Variants in ASB3 observed in about 807,000 individuals in gnomAD.
ASB3 encodes the protein ankyrin repeat and SOCS box protein 3.
In ASB3, 41 loss-of-function variants were observed where a neutral mutation model predicts 54.5. That is an observed-to-expected ratio of 0.75 (90% CI 0.59 to 0.98). The LOEUF (loss-of-function observed/expected upper bound fraction) is 0.98, where lower values mean the gene tolerates loss of function less well. ASB3 is among the 50% of genes least tolerant of loss of function. ASB3 has a pLI of 0.00. For missense variants in ASB3, 733 were observed against 620.0 expected, an observed-to-expected ratio of 1.18 and a Z score of -1.94; for synonymous variants, 266 against 221.2, an observed-to-expected ratio of 1.20 and a Z score of -1.80.
intron 7 of ASB3, 92 bp downstream of exon 7, chr2:53,714,292 T>TA (rs767020135): frequency 5.7e-5 from 84 of 1,468,444 alleles, no homozygotes; most frequent in Non-Finnish European, 7.6e-5. Context: ...CTAACAGAGA[T>TA]ACTAAGTTTC....
intron 5 of ASB3, among the ~76,000 whole-genome samples, chr2:53,721,449 T>G (rs1305486179): frequency 6.8e-6 from 1 of 147,350 alleles, no homozygotes; most frequent in Non-Finnish European, 1.5e-5. Flanking sequence ...TGTGTGCCTA[T>G]AGTCCCAGCT....
Position 53,714,431 on chromosome 2 carries a change from G to T in ASB3, c.933C>A (p.Cys311Ter). ...RNGYSPDAQA[C>*]LVFGFSSPVC... Reference sequence around the variant, plus strand: ...CAGGAGAACTGAATCCAAAAACAAGGCACGCCTGGGCGTCTGGGCTGTAGC... The same window carrying T: ...CAGGAGAACTGAATCCAAAAACAAGTCACGCCTGGGCGTCTGGGCTGTAGC... The change falls in exon 7 of 10, where the codon TGC becomes TGA. Residue 311 changes from cysteine (C) to a stop codon, truncating the protein, a stop_gained. Transcript: ENST00000263634. LOFTEE classifies it high-confidence loss of function. 1 of 1,614,018 alleles carries T rather than the reference G, an allele frequency of 6.2e-7. No individual in the cohort carries two copies. Among genetic ancestry groups the T allele is most frequent in the East Asian group, 2.2e-5 (1 of 44,890 alleles).
intron 7 of ASB3, among the ~76,000 whole-genome samples, chr2:53,707,211 G>A (rs982802693): frequency 2.0e-5 from 3 of 152,146 alleles, no homozygotes; most frequent in Admixed American, 6.5e-5. Flanking sequence ...AATTTATAAC[G>A]CTACTTAATT....
chr2:53,785,679 C>T (rs1168540263), intron 1 of ASB3, among the ~76,000 whole-genome samples: 1 of 152,008 alleles, frequency 6.6e-6, no homozygotes, highest in Non-Finnish European at 1.5e-5. Context: ...CCTGCCTCTA[C>T]TAAAAATACA....
chr2:53,697,968 C>A (rs1669278139), intron 8 of ASB3, among the ~76,000 whole-genome samples: 1 of 152,222 alleles, frequency 6.6e-6, no homozygotes, highest in Non-Finnish European at 1.5e-5. Flanking sequence ...GGCAGCCCTG[C>A]TCCCATGGGT....
At chr2:53,694,851 G>A (rs1315592243) in intron 8 of ASB3, among the ~76,000 whole-genome samples, 1 of 152,126 alleles carries the variant, frequency 6.6e-6, no homozygotes, top group Non-Finnish European at 1.5e-5. Flanking sequence ...AGATAACATA[G>A]TAAACATACT....
At chr2:53,735,866 A>C (rs939176226) in intron 3 of ASB3, among the ~76,000 whole-genome samples, 2 of 152,134 alleles carry the variant, frequency 1.3e-5, no homozygotes, top group Non-Finnish European at 2.9e-5. Flanking sequence ...TTTATGACAA[A>C]GGTGACAATG....
At chr2:53,707,646 CAA>C (rs760618822) in intron 7 of ASB3, among the ~76,000 whole-genome samples, 13 of 114,312 alleles carry the variant, frequency 1.1e-4, no homozygotes, top group Non-Finnish European at 1.3e-4. Flanking sequence ...GACTCCGTCT[CAA>C]AAAAAAAAAA....
intron 2 of ASB3, 91 bp downstream of exon 2, chr2:53,765,286 A>C: frequency 6.6e-7 from 1 of 1,522,730 alleles, no homozygotes; most frequent in South Asian, 1.2e-5. Flanking sequence ...AGGGAAACAA[A>C]TACTACTGTT....
rs1306404480 is a variant in ASB3 at position 53,771,253 on chromosome 2, G to A, written c.-13-5668C>T. Among the ~76,000 whole-genome samples the A allele has an allele frequency of 2.6e-5, 4 of 152,006 alleles. No homozygotes were observed. In the East Asian group the frequency reaches 5.8e-4, roughly 22 times the overall value. On this transcript the variant is annotated intron_variant, in intron 1 of 9. Coordinates refer to ENST00000263634, the MANE Select transcript of ASB3 (RefSeq NM_016115.5). ...CTATAGGCCGGGTGCGGTGGCTCAC[G>A]CCTGTAATCCCAGCACTTTGGGAGG... is the stretch of plus-strand genomic sequence containing the variant.
intron 5 of ASB3, 144 bp from the exon 6 acceptor site, chr2:53,716,887 C>T: frequency 1.0e-6 from 1 of 970,104 alleles, no homozygotes; most frequent in Non-Finnish European, 1.4e-6. Flanking sequence ...GTTATATAAA[C>T]ATATTTACTT....
intron 3 of ASB3, among the ~76,000 whole-genome samples, chr2:53,742,844 G>A (rs1157424443): frequency 6.6e-5 from 10 of 151,890 alleles, no homozygotes; most frequent in Admixed American, 1.3e-4. Flanking sequence ...GCTGGCCCAA[G>A]AACACCACCA....
chr2:53,697,340 A>T (rs575161950), intron 8 of ASB3, among the ~76,000 whole-genome samples: 135 of 152,340 alleles, frequency 8.9e-4, no homozygotes, highest in African/African-American at 3.0e-3. Context: ...TGTAATCAAG[A>T]AGTAACAATA....
intron 1 of ASB3, among the ~76,000 whole-genome samples, chr2:53,773,296 T>C (rs887938884): frequency 1.5e-4 from 23 of 152,188 alleles, no homozygotes; most frequent in Non-Finnish European, 3.1e-4. Flanking sequence ...AAAAAAATTT[T>C]TTTAAGATAA....
intron 1 of ASB3, chr2:53,768,063 C>T (rs1329085555): frequency 6.2e-7 from 1 of 1,605,030 alleles, no homozygotes; most frequent in Non-Finnish European, 8.5e-7. Flanking sequence ...GCCCCCTGAC[C>T]CCTGCTCCCC....
intron 6 of ASB3, among the ~76,000 whole-genome samples, chr2:53,716,336 CCT>C (rs898240965): frequency 5.3e-5 from 8 of 151,886 alleles, no homozygotes; most frequent in African/African-American, 1.9e-4. Flanking sequence ...CGAGAAAGTC[CCT>C]GAGCCTACCC....
intron 7 of ASB3, among the ~76,000 whole-genome samples, chr2:53,711,759 G>A (rs963779285): frequency 1.3e-5 from 2 of 151,954 alleles, no homozygotes; most frequent in Non-Finnish European, 2.9e-5. Context: ...GGGCAACACA[G>A]CGAGACAGTC....
intron 5 of ASB3, among the ~76,000 whole-genome samples, chr2:53,720,896 A>C (rs1305834424): frequency 3.3e-5 from 5 of 152,134 alleles, no homozygotes; most frequent in Admixed American, 2.0e-4. Flanking sequence ...TGGGCAGATC[A>C]CTTGAAGGTC....
At position 53,676,456 on chromosome 2, in the gene ASB3, G is replaced by A. The variant is rs556648982; in HGVS notation, c.1370-5766C>T. Among the ~76,000 whole-genome samples, 40 of 152,298 alleles carry A rather than the reference G, an allele frequency of 2.6e-4. 1 individual carries two copies. Among genetic ancestry groups the A allele is most frequent in the African/African-American group, 7.7e-4 (32 of 41,568 alleles). ...TGTTGCCAATACAGGCATACACTGCGTAAGGATATTTTAGTAAACGACGGA... is the reference window on the plus strand; with the variant it reads ...TGTTGCCAATACAGGCATACACTGCATAAGGATATTTTAGTAAACGACGGA... On this transcript the variant is annotated intron_variant, in intron 9 of 9. Transcript: ENST00000263634.
Sources: gnomAD v4.1 joint callset for allele counts (sites outside exome capture counted in the v4.1 genomes callset) on GRCh38, gnomAD v4.1.1 for gene constraint, MANE v1.5 for transcripts, NCBI Gene and HGNC (gene_info 2026-07-23, HGNC 2026-07-21) for gene names.